OTOG: variants seen among roughly 807,000 people sequenced by gnomAD.
OTOG encodes the protein otogelin.
OTOG carries 296 observed loss-of-function variants against 313.8 expected under a neutral mutation model. That is an observed-to-expected ratio of 0.94 (90% CI 0.86 to 1.04). The LOEUF (loss-of-function observed/expected upper bound fraction) is 1.04, where lower values mean the gene tolerates loss of function less well. OTOG is among the 50% of genes least tolerant of loss of function. The pLI, the probability that OTOG is intolerant of heterozygous loss-of-function variation, is 0.00. For missense variants in OTOG, 3,948 were observed against 3,840.1 expected, an observed-to-expected ratio of 1.03 and a Z score of -0.74; for synonymous variants, 1,533 against 1,554.9, an observed-to-expected ratio of 0.99 and a Z score of 0.33.
At chr11:17,632,341 C>T in intron 42 of OTOG, 115 bp downstream of exon 42, 1 of 1,054,116 alleles carries the variant, frequency 9.5e-7, no homozygotes, top group Non-Finnish European at 1.3e-6. Context: ...TTTAATCATT[C>T]ATGGATTTAT....
At chr11:17,643,815 C>T (rs900159472) in intron 54 of OTOG, among the ~76,000 whole-genome samples, 1 of 152,232 alleles carries the variant, frequency 6.6e-6, no homozygotes, top group Admixed American at 6.5e-5. Context: ...CCTCCTGCCC[C>T]TGCCAAGGCC....
Position 17,593,546 on chromosome 11 carries a change from G to A in OTOG, c.3142-64G>A, listed in dbSNP as rs1036148328. 2.6e-6 allele frequency: 4 copies of A among 1,534,438 alleles called. No homozygotes were observed. The African/African-American group carries it at 4.1e-5, about 16-fold the overall frequency. ...AGGCATTGGTGAGGGCCTGGCTGCA[G>A]GCATAGCTGACCTGGGCGCTAGGGG... On this transcript the variant is annotated intron_variant, in intron 26 of 55. Coordinates refer to ENST00000399397, the MANE Select transcript of OTOG (RefSeq NM_001292063.2).
chr11:17,638,532 G>A lies in OTOG; in HGVS notation c.7877G>A (p.Cys2626Tyr), dbSNP rs1483622255. The change falls in exon 48 of 56, where the codon TGC becomes TAC. Residue 2626 changes from cysteine (C) to tyrosine (Y), a missense_variant. By Grantham distance (194) the Cys-to-Tyr change is radical (BLOSUM62 -2). Coordinates refer to ENST00000399397, the MANE Select transcript of OTOG (RefSeq NM_001292063.2). ...GAGGTGTGGAGCCCCGACCGCTGCT[G>A]CCCCTACAAATCCTGTGGTGAGTCC... ...LVEVWSPDRC[C>Y]PYKSCECDCD... The A allele has an allele frequency of 1.3e-6, 2 of 1,550,308 alleles. No individual in the cohort carries two copies. Among genetic ancestry groups the A allele is most frequent in the South Asian group, 1.2e-5 (1 of 84,058 alleles).
chr11:17,552,062 G>C lies in OTOG; in HGVS notation c.279G>C (p.Lys93Asn). 6.4e-7 allele frequency: 1 copy of C among 1,550,550 alleles called. No individual in the cohort carries two copies. Among genetic ancestry groups the C allele is most frequent in the Middle Eastern group, 1.7e-4 (1 of 5,992 alleles). Residue 93 changes from lysine (K) to asparagine (N), a missense_variant, in exon 4 of 56, where the codon AAG becomes AAC. By Grantham distance (94) the Lys-to-Asn change is moderately conservative. Transcript: ENST00000399397. ...SSWERRLHRA[K>N]CAPSYLFSCF... ...GGGAAAGGCGGCTCCATCGGGCCAA[G>C]TGTGCACCATCCTGTAAGTGGCACC...
chr11:17,614,078 C>A (rs961938690), intron 39 of OTOG, among the ~76,000 whole-genome samples: 2 of 152,166 alleles, frequency 1.3e-5, no homozygotes, highest in Non-Finnish European at 2.9e-5. Flanking sequence ...AAGTGAGGAG[C>A]CGTGAATTTA....
At chr11:17,557,387 A>C (rs1221336475) in intron 8 of OTOG, 64 bp downstream of exon 8, 2 of 1,213,830 alleles carry the variant, frequency 1.6e-6, no homozygotes, top group Admixed American at 2.1e-5. Flanking sequence ...TCAGGCTGGG[A>C]GGGGTTGGAG....
intron 39 of OTOG, among the ~76,000 whole-genome samples, chr11:17,626,787 T>G (rs376052376): frequency 7.5e-4 from 115 of 152,346 alleles, no homozygotes; most frequent in African/African-American, 2.6e-3. Context: ...CTTGTTCAAT[T>G]TCTTTCAGCA....
intron 31 of OTOG, among the ~76,000 whole-genome samples, chr11:17,600,725 G>C (rs1490609616): frequency 6.6e-6 from 1 of 152,216 alleles, no homozygotes; most frequent in Non-Finnish European, 1.5e-5. Context: ...TGGTCCCTGG[G>C]GCAGACAGGA....
At chr11:17,567,912 CTTTTCT>C (rs1396661522) in intron 15 of OTOG, among the ~76,000 whole-genome samples, 1 of 127,058 alleles carries the variant, frequency 7.9e-6, no homozygotes, top group Non-Finnish European at 1.8e-5. Context: ...CTTTTCTTTT[CTTTTCT>C]TTTTTTTGAG....
intron 52 of OTOG, 60 bp from the exon 53 acceptor site, chr11:17,642,067 G>C: frequency 6.6e-7 from 1 of 1,517,490 alleles, no homozygotes. Flanking sequence ...CAGACCCTAT[G>C]GGTTTGCGCA....
At chr11:17,613,804 C>A in intron 39 of OTOG, 103 bp downstream of exon 39, 50 of 921,460 alleles carry the variant, frequency 5.4e-5, no homozygotes, top group Non-Finnish European at 6.4e-5. Context: ...TGATTCAGGG[C>A]AGGGGTGGGG....
rs1027542414 is a variant in OTOG at position 17,573,298 on chromosome 11, C to T, written c.2293+8C>T. 5.0e-5 allele frequency: 76 copies of T among 1,516,030 alleles called. 1 individual carries two copies. The highest frequency in any genetic ancestry group is 6.3e-5 in the Non-Finnish European group (72 of 1,134,150). 93.9% of individuals were successfully genotyped at this position (1,516,030 alleles called of 1,614,324 possible). On this transcript the variant is annotated splice_region_variant and intron_variant, in intron 19 of 55. Coordinates refer to ENST00000399397, the MANE Select transcript of OTOG (RefSeq NM_001292063.2). ...CCCGCCTGCCAGCCTGTGGTGAGTG[C>T]CCCACCCATGTGAGGCTGAGCTGGA...
At chr11:17,596,774 G>A in intron 29 of OTOG, 77 bp from the exon 30 acceptor site, 3 of 1,337,686 alleles carry the variant, frequency 2.2e-6, no homozygotes, top group Non-Finnish European at 2.1e-6. Flanking sequence ...TGTTGGTGCT[G>A]GTCGTCATCA....
intron 44 of OTOG, 91 bp from the exon 45 acceptor site, chr11:17,634,753 C>T: frequency 1.8e-6 from 2 of 1,105,724 alleles, no homozygotes; most frequent in South Asian, 1.5e-5. Flanking sequence ...GCCAGGCGTC[C>T]AGGGGTTGGG....
At chr11:17,554,665 C>A (rs2134000632) in intron 6 of OTOG, among the ~76,000 whole-genome samples, 1 of 152,360 alleles carries the variant, frequency 6.6e-6, no homozygotes, top group Admixed American at 6.5e-5. Flanking sequence ...TGAGACTGCT[C>A]TAGGGGCCAT....
At chr11:17,593,391 G>T in intron 26 of OTOG, 64 bp downstream of exon 26, 1 of 1,525,872 alleles carries the variant, frequency 6.6e-7, no homozygotes. Flanking sequence ...TGGGGCAGAA[G>T]AGGGCTGAGG....
At chr11:17,625,608 T>A (rs1028309101) in intron 39 of OTOG, among the ~76,000 whole-genome samples, 2 of 152,182 alleles carry the variant, frequency 1.3e-5, no homozygotes, top group Admixed American at 6.5e-5. Context: ...TTTTGAGAAA[T>A]GTCTATTTCA....
chr11:17,599,191 C>T (rs553122401), intron 30 of OTOG, among the ~76,000 whole-genome samples: 2 of 152,284 alleles, frequency 1.3e-5, no homozygotes, highest in East Asian at 1.9e-4. Context: ...GGTGGAAGCG[C>T]CTCTGCAGTG....
At chr11:17,574,247 C>T (rs1852467079) in intron 19 of OTOG, among the ~76,000 whole-genome samples, 2 of 152,138 alleles carry the variant, frequency 1.3e-5, no homozygotes, top group Admixed American at 1.3e-4. Context: ...GCAAAACAGG[C>T]TGCTAGAGGG....
Sources: allele counts gnomAD v4.1 joint callset (sites outside exome capture counted in the v4.1 genomes callset), GRCh38; gene constraint gnomAD v4.1.1; transcripts MANE v1.5; gene names NCBI Gene and HGNC (gene_info 2026-07-23, HGNC 2026-07-21).